MARCO: variants seen among roughly 807,000 people sequenced by gnomAD.
The protein encoded by MARCO is macrophage receptor MARCO.
Under a neutral mutation model 70.0 loss-of-function variants are expected in MARCO, and 72 were observed. The ratio of observed to expected loss-of-function variants is 1.03; its 90% confidence interval spans 0.85 to 1.25. MARCO has a LOEUF of 1.25. Among genes scored for constraint, MARCO ranks in the 50% most tolerant of loss-of-function variants. The pLI is 0.00. For missense variants in MARCO, 696 were observed against 659.3 expected, an observed-to-expected ratio of 1.06 and a Z score of -0.61; for synonymous variants, 273 against 243.1, an observed-to-expected ratio of 1.12 and a Z score of -1.14.
intron 12 of MARCO, among the ~76,000 whole-genome samples, chr2:118,986,160 G>A (rs1020638302): frequency 1.3e-5 from 2 of 152,078 alleles, no homozygotes; most frequent in Non-Finnish European, 2.9e-5. Context: ...GTTTCTGAGA[G>A]AGCTTTGCAG....
intron 12 of MARCO, among the ~76,000 whole-genome samples, chr2:118,984,742 G>A (rs1481129657): frequency 3.3e-5 from 5 of 152,168 alleles, no homozygotes; most frequent in African/African-American, 1.2e-4. Flanking sequence ...GGAGAAGCAG[G>A]GGCAGGCAGA....
chr2:118,982,378 C>T lies in MARCO; in HGVS notation c.1031C>T (p.Ala344Val), dbSNP rs752560740. Residue 344 changes from alanine to valine, a missense_variant, in exon 12 of 17, where the codon GCC becomes GTC. Transcript: ENST00000327097. ...GLPGSPGSPG[A>V]TGLKGSKGDT... ...CCAGGGAGCCCCGGGAGTCCAGGAG[C>T]CACAGGCCTGAAAGGAAGCAAAGGG... 6 of 1,613,904 alleles carry T rather than the reference C, an allele frequency of 3.7e-6. No homozygotes were observed. The highest frequency in any genetic ancestry group is 3.3e-5 in the Admixed American group (2 of 59,998).
chr2:118,965,925 G>A (rs1680035919), intron 1 of MARCO, among the ~76,000 whole-genome samples: 1 of 152,160 alleles, frequency 6.6e-6, no homozygotes, highest in Non-Finnish European at 1.5e-5. Flanking sequence ...CAGGCCCAAA[G>A]GGAAGACATT....
intron 1 of MARCO, among the ~76,000 whole-genome samples, chr2:118,966,036 C>T (rs1473471510): frequency 6.6e-6 from 1 of 151,782 alleles, no homozygotes; most frequent in African/African-American, 2.4e-5. Flanking sequence ...GGACACCCTA[C>T]CAGCACTGCC....
chr2:118,982,018 G>A (rs1680401491), intron 10 of MARCO, 138 bp from the exon 11 acceptor site: 1 of 614,256 alleles, frequency 1.6e-6, no homozygotes, highest in Non-Finnish European at 2.9e-6. Flanking sequence ...CTTCTAAAGA[G>A]AGGTGTTAAA....
chr2:118,967,550 T>C (rs1680076257), intron 1 of MARCO, among the ~76,000 whole-genome samples: 1 of 151,942 alleles, frequency 6.6e-6, no homozygotes, highest in African/African-American at 2.4e-5. Flanking sequence ...GGGGGTAGGG[T>C]GCAGAGGAGA....
At chr2:118,958,332 C>A (rs923593761) in intron 1 of MARCO, among the ~76,000 whole-genome samples, 42 of 151,078 alleles carry the variant, frequency 2.8e-4, no homozygotes, top group African/African-American at 1.0e-3. Flanking sequence ...GTATGCAAAT[C>A]AATAGCTCTT....
In MARCO at chr2:118,994,321, G is replaced by A. The variant is rs1165759213; in HGVS notation, c.1430-66G>A. ...CAGATGGAAGCTCCCAGGCGCACAC[G>A]TGGCTTCTTTGCTTTGACTCTAATC... is the stretch of plus-strand genomic sequence containing the variant. On this transcript the variant is annotated intron_variant, in intron 16 of 16. Transcript: ENST00000327097. 6 of 1,590,614 alleles carry A rather than the reference G, an allele frequency of 3.8e-6. No homozygotes were observed. The African/African-American group carries it at 4.0e-5, about 11-fold the overall frequency.
intron 1 of MARCO, among the ~76,000 whole-genome samples, chr2:118,943,556 T>C (rs1268799427): frequency 6.6e-6 from 1 of 152,136 alleles, no homozygotes; most frequent in Non-Finnish European, 1.5e-5. Flanking sequence ...AACTGACAAT[T>C]TCCATGTTGT....
chr2:118,990,569 C>CGGGGGTGGTG lies in MARCO; in HGVS notation c.1064-20_1064-19insGGGGGTGGTG. 2 of 1,415,984 alleles carry CGGGGGTGGTG rather than the reference C, an allele frequency of 1.4e-6. No homozygotes were observed. The highest frequency in any genetic ancestry group is 1.9e-6 in the Non-Finnish European group (2 of 1,028,338). 87.7% of individuals were successfully genotyped at this position (1,415,984 alleles called of 1,614,324 possible). On this transcript the variant is annotated intron_variant, in intron 12 of 16. Transcript: ENST00000327097. The stretch of plus-strand genomic sequence containing the variant: ...AGTTTTATTATCTCCTCCCCCCCCC[C>CGGGGGTGGTG]TTTTTTGTTTTGATCTTAGGACTTC...
intron 1 of MARCO, among the ~76,000 whole-genome samples, chr2:118,954,201 T>G (rs1465837968): frequency 6.6e-6 from 1 of 152,146 alleles, no homozygotes; most frequent in Non-Finnish European, 1.5e-5. Context: ...CCCCTCCCCC[T>G]GGAAACACAC....
chr2:118,986,713 GAAAGAAAGAAAAGAAAGAAAGAAAGA>G (rs1558671991), intron 12 of MARCO, among the ~76,000 whole-genome samples: 12 of 99,802 alleles, frequency 1.2e-4, no homozygotes, highest in African/African-American at 3.9e-4. Flanking sequence ...AAGAAAGAAA[GAAAGAAAGAAAAGAAAGAAAGAAAGA>G]GAAAGAAAGA....
At chr2:118,943,706 C>T (rs927307018) in intron 1 of MARCO, among the ~76,000 whole-genome samples, 3 of 152,076 alleles carry the variant, frequency 2.0e-5, no homozygotes, top group Admixed American at 6.6e-5. Flanking sequence ...GCGGGGTGGG[C>T]GCCACATGTT....
At position 118,991,846 on chromosome 2, in the gene MARCO, C is replaced by T; in HGVS notation, c.1178C>T (p.Ala393Val). 1 of 1,600,674 alleles carries T rather than the reference C, an allele frequency of 6.2e-7. No individual in the cohort carries two copies. The highest frequency in any genetic ancestry group is 1.3e-5 in the African/African-American group (1 of 74,920). The change falls in exon 14 of 17, where the codon GCT becomes GTT. Residue 393 changes from alanine (A) to valine (V), a missense_variant. Around this residue, in one of 3 missense-constraint regions of MARCO, gnomAD observed 605 missense variants for 537.6 expected, o/e 1.13. Coordinates refer to ENST00000327097, the MANE Select transcript of MARCO (RefSeq NM_006770.4). ...LAGPKGAPGQ[A>V]GQKGDQGVKG... is the part of the protein sequence containing the mutation. The stretch of plus-strand genomic sequence containing the variant: ...GGTCCCAAGGGAGCCCCTGGACAAG[C>T]TGGCCAGAAGGGAGACCAGGGAGTG...
intron 16 of MARCO, 131 bp from the exon 17 acceptor site, chr2:118,994,256 C>CG: frequency 1.0e-6 from 1 of 953,038 alleles, no homozygotes; most frequent in Non-Finnish European, 1.6e-6. Context: ...CACATTGGGC[C>CG]GGAATGGGCC....
At chr2:118,952,298 C>A (rs1020847722) in intron 1 of MARCO, among the ~76,000 whole-genome samples, 2 of 152,134 alleles carry the variant, frequency 1.3e-5, no homozygotes, top group Non-Finnish European at 2.9e-5. Context: ...TCTCCCTTCC[C>A]CTCTCTGAAG....
intron 6 of MARCO, among the ~76,000 whole-genome samples, chr2:118,975,742 A>G (rs1036353025): frequency 6.6e-6 from 1 of 152,114 alleles, no homozygotes; most frequent in African/African-American, 2.4e-5. Context: ...ATGCACTCAC[A>G]TACACACATA....
Position 118,977,925 on chromosome 2 carries a change from G to T in MARCO, c.756G>T (p.Leu252=), listed in dbSNP as rs1370186064. The change falls in exon 8 of 17, where the codon CTG becomes CTT. Residue 252 remains leucine, a synonymous_variant. Transcript: ENST00000327097. ...GAACTAAGGGAGAGAAAGGAGACCT[G>T]GGTCTCCCAGGTGAGGGCCGTATTG... The part of the protein sequence containing the change: ...ETGTKGEKGD[L]GLPGSKGDRG... The T allele has an allele frequency of 1.9e-6, 3 of 1,602,150 alleles. No individual in the cohort carries two copies. The highest frequency in any genetic ancestry group is 2.6e-6 in the Non-Finnish European group (3 of 1,173,260).
chr2:118,978,601 T>C (rs1012001878), intron 8 of MARCO, among the ~76,000 whole-genome samples: 4 of 152,188 alleles, frequency 2.6e-5, no homozygotes, highest in African/African-American at 9.6e-5. Flanking sequence ...GCGGGCTTGG[T>C]TCCCATCCCT....
Sources: allele counts gnomAD v4.1 joint callset (sites outside exome capture counted in the v4.1 genomes callset), GRCh38; gene constraint gnomAD v4.1.1; regional missense constraint gnomAD v4.1.1; transcripts MANE v1.5; gene names NCBI Gene and HGNC (gene_info 2026-07-23, HGNC 2026-07-21).